BABAM2: variants seen among roughly 807,000 people sequenced by gnomAD.
BABAM2 encodes the protein BRISC and BRCA1-A complex member 2.
In BABAM2, 31 loss-of-function variants were observed where a neutral mutation model predicts 54.7. The ratio of observed to expected loss-of-function variants is 0.57; its 90% confidence interval spans 0.43 to 0.77. The LOEUF (loss-of-function observed/expected upper bound fraction) is 0.77. Ranked by LOEUF, BABAM2 falls within the 30% of genes least tolerant of loss-of-function variation. The probability of loss-of-function intolerance (pLI) is 0.00; values close to 1 mark genes in which losing one functional copy is unlikely to be tolerated. For missense variants in BABAM2, 364 were observed against 455.8 expected, an observed-to-expected ratio of 0.80 and a Z score of 1.83; for synonymous variants, 167 against 162.9, an observed-to-expected ratio of 1.03 and a Z score of -0.19.
Position 28,241,405 on chromosome 2 carries a change from C to G in BABAM2, c.851+12C>G. The G allele has an allele frequency of 6.2e-7, 1 of 1,611,814 alleles. No homozygotes were observed. Among genetic ancestry groups the G allele is most frequent in the Non-Finnish European group, 8.5e-7 (1 of 1,178,016 alleles). ...AGTCACTTTGGCACGTAAGTTCTGC[C>G]CTGTTTGAACGATATACCGGTGATG... is the stretch of plus-strand genomic sequence containing the variant. On this transcript the variant is annotated intron_variant, in intron 9 of 11. Coordinates refer to ENST00000379624, the MANE Select transcript of BABAM2 (RefSeq NM_199191.3).
chr2:28,103,365 T>G (rs1007741778), intron 6 of BABAM2, among the ~76,000 whole-genome samples: 9 of 152,128 alleles, frequency 5.9e-5, no homozygotes, highest in Admixed American at 5.9e-4. Context: ...CAGGCTGGAG[T>G]ACAGTGGTGT....
chr2:28,061,987 G>A lies in BABAM2; in HGVS notation c.570+16188G>A, dbSNP rs140869486. ...ATTTCCAGGATTGTTGGCCAGGTGC[G>A]GTGGCTCACGCCTGTAATCTCAGCA... On this transcript the variant is annotated intron_variant, in intron 6 of 11. Coordinates refer to ENST00000379624, the MANE Select transcript of BABAM2 (RefSeq NM_199191.3). 2.8e-3 allele frequency among the ~76,000 whole-genome samples: 429 copies of A among 152,200 alleles called. 2 individuals are homozygous for A. The highest frequency in any genetic ancestry group is 1.0e-2 in the African/African-American group (415 of 41,542).
chr2:28,172,404 G>C (rs1016402746), intron 7 of BABAM2, among the ~76,000 whole-genome samples: 1 of 152,082 alleles, frequency 6.6e-6, no homozygotes, highest in East Asian at 1.9e-4. Context: ...TACCCACCCC[G>C]TGTGGCCCTA....
intron 7 of BABAM2, among the ~76,000 whole-genome samples, chr2:28,225,664 T>C (rs753648002): frequency 2.0e-5 from 3 of 151,848 alleles, no homozygotes; most frequent in Non-Finnish European, 4.4e-5. Context: ...CACCAGAATA[T>C]GCCTCAAGCT....
intron 7 of BABAM2, among the ~76,000 whole-genome samples, chr2:28,212,393 T>C (rs1679544422): frequency 6.6e-6 from 1 of 152,188 alleles, no homozygotes; most frequent in African/African-American, 2.4e-5. Context: ...TCATCCATAA[T>C]ACATTCTCAT....
intron 2 of BABAM2, among the ~76,000 whole-genome samples, chr2:27,908,039 T>G (rs1666311783): frequency 6.6e-6 from 1 of 152,234 alleles, no homozygotes; most frequent in Non-Finnish European, 1.5e-5. Flanking sequence ...TACCCAGAAG[T>G]AGAATTGCTA....
At chr2:28,259,151 G>A (rs36028867) in intron 10 of BABAM2, among the ~76,000 whole-genome samples, 2 of 125,842 alleles carry the variant, frequency 1.6e-5, no homozygotes, top group Non-Finnish European at 3.2e-5. Context: ...GTAGTGGTGC[G>A]ATCTGGGCTC....
intron 6 of BABAM2, among the ~76,000 whole-genome samples, chr2:28,056,521 A>G (rs1004462061): frequency 2.6e-5 from 4 of 151,918 alleles, no homozygotes; most frequent in African/African-American, 9.7e-5. Flanking sequence ...TCTATTTTAG[A>G]ATGTAGGTGT....
intron 10 of BABAM2, among the ~76,000 whole-genome samples, chr2:28,267,659 A>T (rs1304079679): frequency 6.6e-6 from 1 of 152,140 alleles, no homozygotes; most frequent in African/African-American, 2.4e-5. Flanking sequence ...TAATGGCTCC[A>T]CCATTCCCTA....
chr2:28,014,682 T>A (rs1482961693), intron 4 of BABAM2, among the ~76,000 whole-genome samples: 3 of 149,826 alleles, frequency 2.0e-5, no homozygotes, highest in Admixed American at 6.6e-5. Context: ...TTTTTTTTTT[T>A]AAATCAAAAC....
At chr2:28,116,944 A>G (rs2148741138) in intron 6 of BABAM2, among the ~76,000 whole-genome samples, 1 of 152,336 alleles carries the variant, frequency 6.6e-6, no homozygotes, top group African/African-American at 2.4e-5. Context: ...TGCATGATAA[A>G]CTGGCAAAAC....
chr2:28,267,320 G>A (rs1366705586), intron 10 of BABAM2, among the ~76,000 whole-genome samples: 1 of 151,984 alleles, frequency 6.6e-6, no homozygotes, highest in Non-Finnish European at 1.5e-5. Flanking sequence ...CCACTAGGAG[G>A]ATCCCTCCTG....
intron 7 of BABAM2, among the ~76,000 whole-genome samples, chr2:28,201,334 A>G (rs1487297173): frequency 2.0e-5 from 3 of 152,176 alleles, no homozygotes; most frequent in Admixed American, 6.5e-5. Flanking sequence ...TTTTTATACA[A>G]AAATACCATA....
At chr2:28,115,912 C>T (rs1442620844) in intron 6 of BABAM2, among the ~76,000 whole-genome samples, 3 of 151,730 alleles carry the variant, frequency 2.0e-5, no homozygotes, top group Non-Finnish European at 2.9e-5. Context: ...GTCGGGAGTT[C>T]GAGACCAGCC....
chr2:28,073,359 G>T (rs1209085599), intron 6 of BABAM2, among the ~76,000 whole-genome samples: 1 of 152,040 alleles, frequency 6.6e-6, no homozygotes, highest in Non-Finnish European at 1.5e-5. Flanking sequence ...TTAGCCAGTT[G>T]TCGTGGTGTG....
chr2:28,300,081 G>A (rs992053072), intron 11 of BABAM2, among the ~76,000 whole-genome samples: 1 of 152,068 alleles, frequency 6.6e-6, no homozygotes, highest in Non-Finnish European at 1.5e-5. Flanking sequence ...TGGGACTATC[G>A]GCATGTGCCA....
intron 3 of BABAM2, among the ~76,000 whole-genome samples, chr2:27,963,567 A>G (rs554308575): frequency 5.9e-5 from 9 of 152,024 alleles, no homozygotes; most frequent in African/African-American, 2.2e-4. Flanking sequence ...AACCTGTTAT[A>G]TCTTTAGTAG....
At chr2:28,107,696 A>G (rs528096809) in intron 6 of BABAM2, among the ~76,000 whole-genome samples, 2 of 152,316 alleles carry the variant, frequency 1.3e-5, no homozygotes, top group South Asian at 2.1e-4. Context: ...GCAGGTGCAC[A>G]TCTCTCTTAT....
At chr2:28,158,236 A>T (rs1054327082) in intron 7 of BABAM2, among the ~76,000 whole-genome samples, 9 of 152,210 alleles carry the variant, frequency 5.9e-5, no homozygotes, top group Non-Finnish European at 1.5e-5. Context: ...ACCTAATAAT[A>T]AAAAAACTCA....
Sources: allele counts gnomAD v4.1 joint callset (sites outside exome capture counted in the v4.1 genomes callset), GRCh38; gene constraint gnomAD v4.1.1; transcripts MANE v1.5; gene names NCBI Gene and HGNC (gene_info 2026-07-23, HGNC 2026-07-21).